ZFPM2: variants seen among roughly 807,000 people sequenced by gnomAD.
The protein encoded by ZFPM2 is zinc finger protein ZFPM2.
A neutral mutation model predicts 98.6 loss-of-function variants in ZFPM2; 20 were observed. That is an observed-to-expected ratio of 0.20 (90% confidence interval 0.14 to 0.29). The LOEUF is 0.29. ZFPM2 is among the 10% of genes least tolerant of loss of function. ZFPM2 has a pLI of 1.00. For synonymous variants in ZFPM2, 518 were observed against 502.7 expected, an observed-to-expected ratio of 1.03 and a Z score of -0.41; for missense variants, 1,310 against 1,388.6, an observed-to-expected ratio of 0.94 and a Z score of 0.90.
At chr8:105,411,313 T>G (rs1428615604) in intron 1 of ZFPM2, among the ~76,000 whole-genome samples, 1 of 151,784 alleles carries the variant, frequency 6.6e-6, no homozygotes, top group Non-Finnish European at 1.5e-5. Flanking sequence ...GAGAAGCCTT[T>G]CCTGCCCACC....
intron 1 of ZFPM2, among the ~76,000 whole-genome samples, chr8:105,359,056 G>A (rs1177987771): frequency 2.0e-5 from 3 of 152,132 alleles, no homozygotes. Context: ...ATCCCATTTT[G>A]AATTGTAATC....
intron 3 of ZFPM2, among the ~76,000 whole-genome samples, chr8:105,541,071 C>G (rs774254523): frequency 3.7e-4 from 57 of 152,028 alleles, no homozygotes; most frequent in Admixed American, 8.5e-4. Context: ...AAAGCATGAT[C>G]CCATGTCTCA....
intron 5 of ZFPM2, among the ~76,000 whole-genome samples, chr8:105,678,307 G>A (rs757658685): frequency 2.0e-5 from 3 of 152,116 alleles, no homozygotes; most frequent in Non-Finnish European, 2.9e-5. Context: ...ACATGCAATA[G>A]CACCTCTAGC....
At chr8:105,575,369 G>T (rs1337400110) in intron 4 of ZFPM2, among the ~76,000 whole-genome samples, 1 of 152,122 alleles carries the variant, frequency 6.6e-6, no homozygotes, top group African/African-American at 2.4e-5. Flanking sequence ...CTGTCAGAAG[G>T]CTCCGAGGAT....
At chr8:105,642,382 T>C (rs1816963795) in intron 5 of ZFPM2, among the ~76,000 whole-genome samples, 1 of 152,140 alleles carries the variant, frequency 6.6e-6, no homozygotes, top group Non-Finnish European at 1.5e-5. Context: ...GTATCCTTTT[T>C]CATAATTTTC....
chr8:105,719,230 A>T (rs1811598416), intron 5 of ZFPM2, among the ~76,000 whole-genome samples: 1 of 151,914 alleles, frequency 6.6e-6, no homozygotes, highest in South Asian at 2.1e-4. Context: ...TCACCAATTA[A>T]ATTGTGCTGG....
intron 4 of ZFPM2, among the ~76,000 whole-genome samples, chr8:105,595,087 GT>G (rs1815940156): frequency 6.6e-6 from 1 of 152,120 alleles, no homozygotes; most frequent in Admixed American, 6.6e-5. Flanking sequence ...AGAGAACCAG[GT>G]TTAGAAAAGG....
intron 5 of ZFPM2, among the ~76,000 whole-genome samples, chr8:105,788,504 C>T (rs1813490170): frequency 6.6e-6 from 1 of 152,098 alleles, no homozygotes; most frequent in South Asian, 2.1e-4. Context: ...TTAGTCTCCT[C>T]CTACTTCTGG....
At chr8:105,698,635 C>T (rs1260947274) in intron 5 of ZFPM2, among the ~76,000 whole-genome samples, 1 of 152,006 alleles carries the variant, frequency 6.6e-6, no homozygotes, top group Non-Finnish European at 1.5e-5. Context: ...CATTTTATAG[C>T]TTTTAGACGA....
chr8:105,783,480 C>T (rs977493835), intron 5 of ZFPM2, among the ~76,000 whole-genome samples: 3 of 152,054 alleles, frequency 2.0e-5, no homozygotes, highest in African/African-American at 7.2e-5. Context: ...ACTATTACCA[C>T]CATCCATCTC....
intron 6 of ZFPM2, among the ~76,000 whole-genome samples, chr8:105,795,548 TAACA>T (rs775548867): frequency 2.0e-5 from 3 of 149,360 alleles, no homozygotes; most frequent in African/African-American, 7.4e-5. Flanking sequence ...TTAGATATAC[TAACA>T]AACAAAAAAG....
chr8:105,801,457 A>G lies in ZFPM2; in HGVS notation c.1375A>G (p.Thr459Ala). 1 of 1,613,946 alleles carries G rather than the reference A, an allele frequency of 6.2e-7. No homozygotes were observed. Among genetic ancestry groups the G allele is most frequent in the Non-Finnish European group, 8.5e-7 (1 of 1,179,860 alleles). ...LTNQRPEIQPTTNKQSFSYTK... is the reference protein window; with the variant it reads ...LTNQRPEIQPATNKQSFSYTK... ...GAACCAGAGACCAGAGATACAGCCTACAACAAATAAACAAAGCTTTTCTTA... is the reference window on the plus strand; with the variant it reads ...GAACCAGAGACCAGAGATACAGCCTGCAACAAATAAACAAAGCTTTTCTTA... Residue 459 changes from threonine to alanine, a missense_variant, in exon 8 of 8, where the codon ACA (threonine) becomes GCA (alanine). Thr to Ala is a moderately conservative substitution (Grantham distance 58). Transcript: ENST00000407775.
chr8:105,658,753 T>G (rs149124256), intron 5 of ZFPM2, among the ~76,000 whole-genome samples: 1 of 152,278 alleles, frequency 6.6e-6, no homozygotes, highest in Admixed American at 6.5e-5. Flanking sequence ...ATACATGGAC[T>G]TCTTCACTTT....
chr8:105,480,046 G>A (rs1586402845), intron 3 of ZFPM2, among the ~76,000 whole-genome samples: 1 of 152,302 alleles, frequency 6.6e-6, no homozygotes, highest in African/African-American at 2.4e-5. Context: ...CTAGCTGTAA[G>A]CTCAGTTATT....
intron 5 of ZFPM2, chr8:105,678,694 T>C (rs1328844905): frequency 6.6e-6 from 1 of 152,232 alleles, no homozygotes; most frequent in Non-Finnish European, 1.5e-5. Flanking sequence ...TTTTCTCTCT[T>C]ATTCCATTGG....
chr8:105,504,491 G>A (rs1383839327), intron 3 of ZFPM2, among the ~76,000 whole-genome samples: 1 of 152,120 alleles, frequency 6.6e-6, no homozygotes, highest in African/African-American at 2.4e-5. Context: ...AACTTCAACA[G>A]CCTTCTTAAA....
chr8:105,708,977 T>C (rs7010309), intron 5 of ZFPM2, among the ~76,000 whole-genome samples: 26,495 of 152,154 alleles, frequency 0.17, 2,494 homozygotes, highest in South Asian at 0.3. Flanking sequence ...AGTAGGAACA[T>C]ATTTAAATTA....
chr8:105,324,276 A>C (rs942291443), intron 1 of ZFPM2, among the ~76,000 whole-genome samples: 2 of 151,838 alleles, frequency 1.3e-5, no homozygotes, highest in Non-Finnish European at 3.0e-5. Context: ...GCCTGTATCT[A>C]TTAATATATC....
chr8:105,439,638 T>G (rs376754715), intron 2 of ZFPM2, among the ~76,000 whole-genome samples: 3 of 152,224 alleles, frequency 2.0e-5, no homozygotes, highest in African/African-American at 7.2e-5. Flanking sequence ...TGACCCTATC[T>G]GTGCATCAAT....
Sources: allele counts gnomAD v4.1 joint callset (sites outside exome capture counted in the v4.1 genomes callset), GRCh38; gene constraint gnomAD v4.1.1; transcripts MANE v1.5; gene names NCBI Gene and HGNC (gene_info 2026-07-23, HGNC 2026-07-21).